Variants in RSU1 observed in about 807,000 individuals in gnomAD.
The protein encoded by RSU1 is rsu-1.
RSU1 carries 26 observed loss-of-function variants against 31.1 expected under a neutral mutation model. That is an observed-to-expected ratio of 0.84 (90% CI 0.61 to 1.16). The LOEUF (loss-of-function observed/expected upper bound fraction) is 1.16, where lower values mean the gene tolerates loss of function less well. Among genes scored for constraint, RSU1 ranks in the 50% most tolerant of loss-of-function variants. The pLI, the probability that RSU1 is intolerant of heterozygous loss-of-function variation, is 0.00. For missense variants in RSU1, 320 were observed against 339.1 expected (o/e 0.94, Z 0.44); for synonymous variants, 164 against 136.3 (o/e 1.20, Z -1.41).
rs746103753 is a variant in RSU1, at chr10:16,695,162, G to A, written c.599-7C>T. ...CCAGTTAAATCCAAGTTTCCTGGGG[G>A]GGGGGAAAAAAAAAGTGAAGGTCAC... On this transcript the variant is annotated splice_region_variant and splice_polypyrimidine_tract_variant and intron_variant, in intron 7 of 8. Transcript: ENST00000345264. 1.4e-6 allele frequency: 2 copies of A among 1,479,652 alleles called. No individual in the cohort carries two copies. The highest frequency in any genetic ancestry group is 1.8e-6 in the Non-Finnish European group (2 of 1,099,836). The allele number at this position is 1,479,652 out of a possible 1,614,324, so 91.7% of individuals were successfully genotyped here.
Position 16,817,343 on chromosome 10 carries a change from C to T in RSU1, c.-32G>A. ...GGAAGGTAGCCCCTAAGACGATGGGCGTGCAACCACAAGCTTCGGCAGAAC... is the reference window on the plus strand; with the variant it reads ...GGAAGGTAGCCCCTAAGACGATGGGTGTGCAACCACAAGCTTCGGCAGAAC... On this transcript the variant is annotated 5_prime_UTR_variant, in exon 1 of 9. Coordinates refer to ENST00000345264, the MANE Select transcript of RSU1 (RefSeq NM_012425.4). The T allele has an allele frequency of 2.3e-6, 1 of 435,930 alleles. No homozygotes were observed. Among genetic ancestry groups the T allele is most frequent in the Non-Finnish European group, 4.2e-6 (1 of 238,682 alleles). The allele number at this position is 435,930 out of a possible 1,614,324, so 27.0% of individuals were successfully genotyped here.
chr10:16,604,377 G>GA (rs1365360975), intron 8 of RSU1, among the ~76,000 whole-genome samples: 3 of 152,148 alleles, frequency 2.0e-5, no homozygotes, highest in Non-Finnish European at 4.4e-5. Flanking sequence ...AAACGGGGGA[G>GA]AAAATGCAGG....
At chr10:16,605,402 T>C (rs1833785820) in intron 8 of RSU1, among the ~76,000 whole-genome samples, 1 of 152,192 alleles carries the variant, frequency 6.6e-6, no homozygotes, top group Non-Finnish European at 1.5e-5. Flanking sequence ...CTAGAAATGT[T>C]TGTTGATTGA....
chr10:16,647,559 A>G (rs1384032560), intron 8 of RSU1, among the ~76,000 whole-genome samples: 2 of 152,250 alleles, frequency 1.3e-5, no homozygotes, highest in Non-Finnish European at 2.9e-5. Context: ...TTATTCAGAC[A>G]TAAAAAGGAA....
At chr10:16,778,543 GA>G (rs1343327919) in intron 3 of RSU1, among the ~76,000 whole-genome samples, 1 of 151,752 alleles carries the variant, frequency 6.6e-6, no homozygotes, top group Non-Finnish European at 1.5e-5. Flanking sequence ...TTTGGAGAGA[GA>G]AAAAAAACAC....
At chr10:16,780,979 G>C (rs1588530836) in intron 3 of RSU1, among the ~76,000 whole-genome samples, 1 of 152,162 alleles carries the variant, frequency 6.6e-6, no homozygotes, top group Non-Finnish European at 1.5e-5. Flanking sequence ...AGGGGACCCT[G>C]CTGCCACTCT....
intron 7 of RSU1, among the ~76,000 whole-genome samples, chr10:16,738,042 C>T (rs984187345): frequency 6.6e-6 from 1 of 152,136 alleles, no homozygotes; most frequent in Non-Finnish European, 1.5e-5. Context: ...AAATAACAGG[C>T]CCCAGGTCTT....
rs1340404618 is a variant in RSU1, at chr10:16,752,834, A to G, written c.483+84T>C. ...GGTTTATTCCCACAAAACAAACCTT[A>G]CTCCTGCTCAAATTGACTTGATTCT... On this transcript the variant is annotated intron_variant, in intron 6 of 8. Transcript: ENST00000345264. The G allele has an allele frequency of 4.0e-6, 5 of 1,262,170 alleles. No homozygotes were observed. The African/African-American group carries it at 7.4e-5, about 19-fold the overall frequency. The allele number at this position is 1,262,170 out of a possible 1,614,324, so 78.2% of individuals were successfully genotyped here.
intron 2 of RSU1, among the ~76,000 whole-genome samples, chr10:16,802,102 A>G (rs546926206): frequency 6.6e-6 from 1 of 152,078 alleles, no homozygotes; most frequent in East Asian, 1.9e-4. Flanking sequence ...AGTGATACTT[A>G]AAAGGGGAAA....
intron 4 of RSU1, among the ~76,000 whole-genome samples, chr10:16,761,631 T>A (rs1331602936): frequency 6.6e-6 from 1 of 151,608 alleles, no homozygotes; most frequent in Non-Finnish European, 1.5e-5. Flanking sequence ...CCGAGGCGGG[T>A]GGATCATGAG....
chr10:16,754,550 T>C (rs1837044495), intron 5 of RSU1, among the ~76,000 whole-genome samples: 2 of 151,522 alleles, frequency 1.3e-5, no homozygotes, highest in Non-Finnish European at 2.9e-5. Context: ...AAGATACTTT[T>C]TTTTTTTTTT....
rs1833501097 is a variant in RSU1 at position 16,591,317 on chromosome 10, T to A, written c.*2077A>T. 6.6e-6 allele frequency: 1 copy of A among 152,202 alleles called. No homozygotes were observed. The highest frequency in any genetic ancestry group is 1.5e-5 in the Non-Finnish European group (1 of 68,042). The allele number at this position is 152,202 out of a possible 1,614,324, so 9.4% of individuals were successfully genotyped here. On this transcript the variant is annotated 3_prime_UTR_variant, in exon 9 of 9. Coordinates refer to ENST00000345264, the MANE Select transcript of RSU1 (RefSeq NM_012425.4). The stretch of plus-strand genomic sequence containing the variant: ...ATCAGGCTTTTCTCTGTTTTTCTTG[T>A]GTATGCAATGCTATAAGGACAATTC...
In RSU1 at chr10:16,740,391, A is replaced by G. The variant is rs139063164; in HGVS notation, c.598+12148T>C. On this transcript the variant is annotated intron_variant, in intron 7 of 8. Transcript: ENST00000345264. ...TACACAAAAAAATCTTACAGATAAC[A>G]TAATATTCTATGGTGAATGACTGGA... Among the ~76,000 whole-genome samples the G allele has an allele frequency of 7.6e-4, 116 of 152,364 alleles. 1 individual carries two copies. In the Middle Eastern group the frequency reaches 0.017, roughly 22 times the overall value.
At chr10:16,750,728 T>C (rs1836960177) in intron 7 of RSU1, among the ~76,000 whole-genome samples, 1 of 152,178 alleles carries the variant, frequency 6.6e-6, no homozygotes, top group Non-Finnish European at 1.5e-5. Flanking sequence ...CACCAAGTTA[T>C]AGAAGAATTC....
chr10:16,738,420 T>C (rs1442481029), intron 7 of RSU1, among the ~76,000 whole-genome samples: 2 of 152,030 alleles, frequency 1.3e-5, no homozygotes, highest in Non-Finnish European at 2.9e-5. Flanking sequence ...CACTGGACTC[T>C]GGCCTGTGTG....
In RSU1 at chr10:16,695,157, T is replaced by TGAG. The variant is rs373104238; in HGVS notation, c.599-3_599-2insCTC. On this transcript the variant is annotated splice_polypyrimidine_tract_variant and splice_region_variant and intron_variant, in intron 7 of 8. Transcript: ENST00000345264. ...TCTGGCCAGTTAAATCCAAGTTTCC[T>TGAG]GGGGGGGGGGAAAAAAAAAGTGAAG... 4 of 1,204,652 alleles carry TGAG rather than the reference T, an allele frequency of 3.3e-6. No individual in the cohort carries two copies. Among genetic ancestry groups the TGAG allele is most frequent in the Non-Finnish European group, 4.5e-6 (4 of 891,580 alleles). 74.6% of individuals were successfully genotyped at this position (1,204,652 alleles called of 1,614,324 possible). A position where few individuals can be genotyped will look rare whatever the true frequency, so the allele number is the denominator to read the frequency against.
chr10:16,763,404 A>G (rs1414402760), intron 4 of RSU1, among the ~76,000 whole-genome samples: 3 of 152,162 alleles, frequency 2.0e-5, no homozygotes, highest in Non-Finnish European at 2.9e-5. Flanking sequence ...ATTACATGGC[A>G]GGAGCAAGAC....
chr10:16,646,056 A>ATGTGTG (rs1834563083), intron 8 of RSU1, among the ~76,000 whole-genome samples: 1 of 29,918 alleles, frequency 3.3e-5, no homozygotes, highest in African/African-American at 1.2e-4. Flanking sequence ...ATGTGTATAT[A>ATGTGTG]TATATACACA....
intron 8 of RSU1, among the ~76,000 whole-genome samples, chr10:16,596,054 C>T (rs899064715): frequency 2.4e-4 from 37 of 152,224 alleles, no homozygotes; most frequent in African/African-American, 8.7e-4. Context: ...GTCACGGGTC[C>T]CCCTGAAGAC....
Sources: gnomAD v4.1 joint callset for allele counts (sites outside exome capture counted in the v4.1 genomes callset) on GRCh38, gnomAD v4.1.1 for gene constraint, MANE v1.5 for transcripts, NCBI Gene and HGNC (gene_info 2026-07-23, HGNC 2026-07-21) for gene names.